PLA2G2D: variants seen among roughly 807,000 people sequenced by gnomAD.
PLA2G2D encodes the protein group IID secretory phospholipase A2.
PLA2G2D carries 17 observed loss-of-function variants against 13.9 expected under a neutral mutation model. The ratio of observed to expected loss-of-function variants is 1.23; its 90% confidence interval spans 0.84 to 1.84. The LOEUF (loss-of-function observed/expected upper bound fraction) is 1.84, where lower values mean the gene tolerates loss of function less well. PLA2G2D is among the 40% of genes most tolerant of loss of function. PLA2G2D has a pLI of 0.00. For synonymous variants in PLA2G2D, 83 were observed against 69.3 expected, an observed-to-expected ratio of 1.20 and a Z score of -0.98; for missense variants, 194 against 178.7, an observed-to-expected ratio of 1.09 and a Z score of -0.49.
rs555843457 is a variant in PLA2G2D, at chr1:20,112,038, C to T, written c.*2076G>A. 8 of 151,404 alleles carry T rather than the reference C, an allele frequency of 5.3e-5. No individual in the cohort carries two copies. In the East Asian group the frequency reaches 1.6e-3, roughly 30 times the overall value. 9.4% of individuals were successfully genotyped at this position (151,404 alleles called of 1,614,324 possible). A position where few individuals can be genotyped will look rare whatever the true frequency, so the allele number is the denominator to read the frequency against. The stretch of plus-strand genomic sequence containing the variant: ...CTGGAGTGCAGTGTCGCGATCTGGG[C>T]TCACTGAAACCTCTGCCTCCCAGGT... On this transcript the variant is annotated 3_prime_UTR_variant, in exon 4 of 4. Coordinates refer to ENST00000375105, the MANE Select transcript of PLA2G2D (RefSeq NM_012400.4).
intron 3 of PLA2G2D, among the ~76,000 whole-genome samples, chr1:20,114,643 T>C (rs1446627445): frequency 6.6e-6 from 1 of 152,030 alleles, no homozygotes; most frequent in Non-Finnish European, 1.5e-5. Flanking sequence ...CCTTTTGAGC[T>C]GAGATCGGAA....
Position 20,113,134 on chromosome 1 carries a change from C to T in PLA2G2D, c.*980G>A, listed in dbSNP as rs2016917791. On this transcript the variant is annotated 3_prime_UTR_variant, in exon 4 of 4. Coordinates refer to ENST00000375105, the MANE Select transcript of PLA2G2D (RefSeq NM_012400.4). ...ATTGAGCACCTAGTATGTGGGAAAA[C>T]AGGGGAAACAGAGATGGCACAGACA... 2 of 152,364 alleles carry T rather than the reference C, an allele frequency of 1.3e-5. No homozygotes were observed. Among genetic ancestry groups the T allele is most frequent in the African/African-American group, 4.8e-5 (2 of 41,464 alleles). The allele number at this position is 152,364 out of a possible 1,614,324, so 9.4% of individuals were successfully genotyped here.
Position 20,114,276 on chromosome 1 carries a change from G to A in PLA2G2D, c.293-17C>T. 1 of 1,610,324 alleles carries A rather than the reference G, an allele frequency of 6.2e-7. No individual in the cohort carries two copies. Among genetic ancestry groups the A allele is most frequent in the Non-Finnish European group, 8.5e-7 (1 of 1,177,738 alleles). On this transcript the variant is annotated splice_polypyrimidine_tract_variant and intron_variant, in intron 3 of 3. Coordinates refer to ENST00000375105, the MANE Select transcript of PLA2G2D (RefSeq NM_012400.4). Reference sequence around the variant, plus strand: ...CCTTGTCAGCTGTGGACGGAGAAGGGGGAGCTATGTGTTTGTCCTTTTCCG... The same window carrying A: ...CCTTGTCAGCTGTGGACGGAGAAGGAGGAGCTATGTGTTTGTCCTTTTCCG...
At chr1:20,117,676 T>A (rs756761828) in intron 1 of PLA2G2D, among the ~76,000 whole-genome samples, 1 of 151,978 alleles carries the variant, frequency 6.6e-6, no homozygotes, top group Non-Finnish European at 1.5e-5. Context: ...TAGAGATGAT[T>A]AGAGAATGCA....
chr1:20,118,051 T>TG (rs1161490722), intron 1 of PLA2G2D, among the ~76,000 whole-genome samples: 2 of 152,136 alleles, frequency 1.3e-5, no homozygotes, highest in African/African-American at 4.8e-5. Context: ...TTGGCTGCAC[T>TG]GGTGAAGGAT....
At chr1:20,115,354 A>G (rs1007879279) in intron 3 of PLA2G2D, among the ~76,000 whole-genome samples, 153 bp downstream of exon 3, 3 of 151,950 alleles carry the variant, frequency 2.0e-5, no homozygotes, top group Admixed American at 2.0e-4. Flanking sequence ...CCATACCCCC[A>G]TACCCATTCT....
chr1:20,118,237 A>G (rs2017027361), intron 1 of PLA2G2D, among the ~76,000 whole-genome samples: 1 of 152,122 alleles, frequency 6.6e-6, no homozygotes, highest in African/African-American at 2.4e-5. Context: ...AGCCCTTTCA[A>G]TCTGGGCTCA....
chr1:20,112,101 G>A lies in PLA2G2D; in HGVS notation c.*2013C>T, dbSNP rs1461016721. The A allele has an allele frequency of 6.6e-6, 1 of 151,816 alleles. No individual in the cohort carries two copies. The highest frequency in any genetic ancestry group is 2.4e-5 in the African/African-American group (1 of 41,310). 9.4% of individuals were successfully genotyped at this position (151,816 alleles called of 1,614,324 possible). ...CCTGCCTCAGCCTCCTGAATAGCTG[G>A]GATTACAGGCACCCACCACGATGCC... On this transcript the variant is annotated 3_prime_UTR_variant, in exon 4 of 4. Transcript: ENST00000375105.
In PLA2G2D at chr1:20,113,843, C is replaced by T. The variant is rs903696586; in HGVS notation, c.*271G>A. ...GGGACAGCGGCAGACCCCTCCCCCA[C>T]CCCGATGCTTTGGTCCAAACACCAC... On this transcript the variant is annotated 3_prime_UTR_variant, in exon 4 of 4. Transcript: ENST00000375105. 1.1e-5 allele frequency: 4 copies of T among 375,104 alleles called. No homozygotes were observed. The Admixed American group carries it at 1.7e-4, about 16-fold the overall frequency. The allele number at this position is 375,104 out of a possible 1,614,324, so 23.2% of individuals were successfully genotyped here.
chr1:20,116,292 C>T (rs930337399), intron 2 of PLA2G2D, 41 bp downstream of exon 2: 8 of 1,601,280 alleles, frequency 5.0e-6, no homozygotes, highest in South Asian at 1.1e-5. Context: ...GTACCGTAGT[C>T]GGGGACAGTA....
intron 1 of PLA2G2D, among the ~76,000 whole-genome samples, chr1:20,117,200 T>C (rs2017006995): frequency 6.6e-6 from 1 of 152,188 alleles, no homozygotes; most frequent in South Asian, 2.1e-4. Flanking sequence ...ACTGGTACAA[T>C]GAATATTATT....
At position 20,112,579 on chromosome 1, in the gene PLA2G2D, T is replaced by C. The variant is rs1483568675; in HGVS notation, c.*1535A>G. 3 of 152,266 alleles carry C rather than the reference T, an allele frequency of 2.0e-5. No homozygotes were observed. Among genetic ancestry groups the C allele is most frequent in the Non-Finnish European group, 4.4e-5 (3 of 68,016 alleles). The allele number at this position is 152,266 out of a possible 1,614,324, so 9.4% of individuals were successfully genotyped here. Reference sequence around the variant, plus strand: ...CAGCTAGCCACACACAAATGGCAGATTGGGAGTCCTCATAGGAAAAAGTTG... The same window carrying C: ...CAGCTAGCCACACACAAATGGCAGACTGGGAGTCCTCATAGGAAAAAGTTG... On this transcript the variant is annotated 3_prime_UTR_variant, in exon 4 of 4. Coordinates refer to ENST00000375105, the MANE Select transcript of PLA2G2D (RefSeq NM_012400.4).
chr1:20,117,742 C>T (rs1043990639), intron 1 of PLA2G2D, among the ~76,000 whole-genome samples: 1 of 152,054 alleles, frequency 6.6e-6, no homozygotes, highest in African/African-American at 2.4e-5. Context: ...CTGGGCAGCC[C>T]CTCTTCGAGT....
Position 20,115,553 on chromosome 1 carries a change from G to T in PLA2G2D, c.246C>A (p.Tyr82Ter). 2 of 1,612,518 alleles carry T rather than the reference G, an allele frequency of 1.2e-6. No individual in the cohort carries two copies. The highest frequency in any genetic ancestry group is 1.7e-6 in the Non-Finnish European group (2 of 1,178,542). Residue 82 changes from tyrosine to a stop codon, truncating the protein, a stop_gained, in exon 3 of 4, where the codon TAC (tyrosine) becomes TAA (stop). Transcript: ENST00000375105. LOFTEE classifies it low-confidence loss of function (END_TRUNC). ...DHLKTQGCSI[Y>*]KDYYRYNFSQ... ...AAAAGTTGTATCTGTAATAGTCCTT[G>T]TAGATGCTGCACCCCTGGGTCTTCA...
rs2100671428 is a variant in PLA2G2D at position 20,112,153 on chromosome 1, G to T, written c.*1961C>A. The T allele has an allele frequency of 6.6e-6, 1 of 152,004 alleles. No individual in the cohort carries two copies. Among genetic ancestry groups the T allele is most frequent in the African/African-American group, 2.4e-5 (1 of 41,464 alleles). The allele number at this position is 152,004 out of a possible 1,614,324, so 9.4% of individuals were successfully genotyped here. A position where few individuals can be genotyped will look rare whatever the true frequency, so the allele number is the denominator to read the frequency against. On this transcript the variant is annotated 3_prime_UTR_variant, in exon 4 of 4. Transcript: ENST00000375105. The stretch of plus-strand genomic sequence containing the variant: ...GGCTAATTTTTGTATTTTTAGTAGA[G>T]ACGAGGTTTTGCCATGTTGGGCAGG...
At chr1:20,116,091 T>C (rs958720718) in intron 2 of PLA2G2D, among the ~76,000 whole-genome samples, 8 of 152,050 alleles carry the variant, frequency 5.3e-5, no homozygotes, top group Non-Finnish European at 1.2e-4. Context: ...AATGTGGGCA[T>C]TGTCACTAGA....
At chr1:20,115,733 C>T in intron 2 of PLA2G2D, 120 bp from the exon 3 acceptor site, 1 of 703,322 alleles carries the variant, frequency 1.4e-6, no homozygotes, top group South Asian at 1.5e-5. Flanking sequence ...TGCAGGGCTG[C>T]AGTCTTCCTC....
chr1:20,119,283 C>A (rs200254844), intron 1 of PLA2G2D, among the ~76,000 whole-genome samples, 176 bp downstream of exon 1: 2 of 152,200 alleles, frequency 1.3e-5, no homozygotes, highest in Non-Finnish European at 2.9e-5. Flanking sequence ...GCTGAAGCTA[C>A]CATGCTAGGA....
At chr1:20,117,294 C>A (rs1194666059) in intron 1 of PLA2G2D, among the ~76,000 whole-genome samples, 3 of 152,122 alleles carry the variant, frequency 2.0e-5, no homozygotes, top group Admixed American at 2.0e-4. Flanking sequence ...AGCCAGAATT[C>A]ATCATTTACA....
Sources: gnomAD v4.1 joint callset for allele counts (sites outside exome capture counted in the v4.1 genomes callset) on GRCh38, gnomAD v4.1.1 for gene constraint, MANE v1.5 for transcripts, NCBI Gene and HGNC (gene_info 2026-07-23, HGNC 2026-07-21) for gene names.